EDA: variants seen among roughly 807,000 people sequenced by gnomAD.
EDA encodes ectodysplasin A, also known as ectodysplasin-A.
In EDA, 2 loss-of-function variants were observed where a neutral mutation model predicts 23.6. The ratio of observed to expected loss-of-function variants is 0.08; its 90% CI spans 0.03 to 0.27. EDA has a LOEUF of 0.27. Ranked by LOEUF, EDA falls within the 10% of genes least tolerant of loss-of-function variation. EDA has a pLI of 1.00. For missense variants in EDA, 229 were observed against 324.2 expected, an observed-to-expected ratio of 0.71 and a Z score of 2.26; for synonymous variants, 131 against 132.0, an observed-to-expected ratio of 0.99 and a Z score of 0.05.
intron 1 of EDA, among the ~76,000 whole-genome samples, chrX:69,770,692 A>G (rs1348442110): frequency 9.0e-6 from 1 of 111,013 alleles, no homozygotes; most frequent in Non-Finnish European, 1.9e-5. Flanking sequence ...TCATCCCCTT[A>G]AGAGGGTCTT....
At chrX:69,973,280 A>T (rs368517649) in intron 2 of EDA, among the ~76,000 whole-genome samples, 111 of 111,554 alleles carry the variant, frequency 1.0e-3, no homozygotes, top group African/African-American at 3.4e-3. Context: ...CAAGACAAGG[A>T]TCTTGTGGGA....
chrX:69,640,384 A>C (rs139707757), intron 1 of EDA, among the ~76,000 whole-genome samples: 60 of 111,950 alleles, frequency 5.4e-4, no homozygotes, highest in African/African-American at 1.7e-3. Flanking sequence ...GTGGGTGAGA[A>C]ATGTTAGTTA....
chrX:69,766,406 T>C (rs2147420143), intron 1 of EDA, among the ~76,000 whole-genome samples: 1 of 111,082 alleles, frequency 9.0e-6, no homozygotes, highest in South Asian at 3.8e-4. Context: ...ACCCAATCGT[T>C]ATTTTTTCTG....
intron 1 of EDA, among the ~76,000 whole-genome samples, chrX:69,906,506 CCTT>C (rs1360250456): frequency 8.9e-6 from 1 of 112,385 alleles, no homozygotes; most frequent in Non-Finnish European, 1.9e-5. Context: ...CAAGTGTCTG[CCTT>C]CTTCTCTCCT....
At chrX:69,639,825 T>G (rs1932820752) in intron 1 of EDA, among the ~76,000 whole-genome samples, 1 of 112,106 alleles carries the variant, frequency 8.9e-6, no homozygotes, top group Non-Finnish European at 1.9e-5. Flanking sequence ...CAAGAAATCT[T>G]GAAAAATCCA....
chrX:69,758,551 A>G (rs1013798828), intron 1 of EDA, among the ~76,000 whole-genome samples: 2 of 112,705 alleles, frequency 1.8e-5, no homozygotes, highest in African/African-American at 6.4e-5. Flanking sequence ...ACAAGTTTGA[A>G]GGCCAGGCGT....
At chrX:69,912,973 G>T (rs1187109513) in intron 1 of EDA, among the ~76,000 whole-genome samples, 1 of 110,444 alleles carries the variant, frequency 9.1e-6, no homozygotes, top group Non-Finnish European at 1.9e-5. Flanking sequence ...TCACCATGTT[G>T]GCCAGGCTGG....
chrX:69,850,441 G>T (rs2017102856), intron 1 of EDA, among the ~76,000 whole-genome samples: 2 of 112,077 alleles, frequency 1.8e-5, no homozygotes, highest in Non-Finnish European at 3.8e-5. Flanking sequence ...GGCACCCTTA[G>T]CTTTTACCTT....
intron 1 of EDA, among the ~76,000 whole-genome samples, chrX:69,711,993 C>T (rs1602322950): frequency 1.8e-5 from 2 of 110,936 alleles, no homozygotes; most frequent in East Asian, 5.7e-4. Flanking sequence ...TCTCTATTTC[C>T]TTCAGTTCTG....
At chrX:69,947,818 T>G (rs1012128750) in intron 1 of EDA, among the ~76,000 whole-genome samples, 1 of 112,518 alleles carries the variant, frequency 8.9e-6, no homozygotes, top group Non-Finnish European at 1.9e-5. Context: ...TTTCCATTGA[T>G]GAGGATCAAT....
rs201709310 is a variant in EDA, at chrX:69,799,639, C to CA, written c.397-157384dup. 5.2e-4 allele frequency among the ~76,000 whole-genome samples: 50 copies of CA among 96,442 alleles called. No homozygotes were observed. The Admixed American group carries it at 5.2e-3, about 10-fold the overall frequency. The allele number at this position is 96,442 out of a possible 115,157, so 83.7% of individuals were successfully genotyped here. A position where few individuals can be genotyped will look rare whatever the true frequency, so the allele number is the denominator to read the frequency against. Reference sequence around the variant, plus strand: ...TTCTAATCACTGGGGAAATGTAAGTCAAAACCACAATGGGATATCATCTTA... The same window carrying CA: ...TTCTAATCACTGGGGAAATGTAAGTCAAAAACCACAATGGGATATCATCTTA... On this transcript the variant is annotated intron_variant, in intron 1 of 7. Coordinates refer to ENST00000374552, the MANE Select transcript of EDA (RefSeq NM_001399.5).
chrX:69,866,377 A>C (rs2017486116), intron 1 of EDA, among the ~76,000 whole-genome samples: 1 of 111,590 alleles, frequency 9.0e-6, no homozygotes, highest in South Asian at 3.8e-4. Flanking sequence ...TGTTGACTTA[A>C]GATTAGGAGG....
chrX:69,961,360 C>G (rs1216417127), intron 2 of EDA, among the ~76,000 whole-genome samples: 2 of 111,766 alleles, frequency 1.8e-5, no homozygotes, highest in Non-Finnish European at 3.8e-5. Context: ...ATAAACAGTT[C>G]ATTAACTCTT....
chrX:69,697,457 C>T (rs368238186), intron 1 of EDA, among the ~76,000 whole-genome samples: 87 of 111,364 alleles, frequency 7.8e-4, no homozygotes, highest in African/African-American at 2.7e-3. Flanking sequence ...AAGGGAAAAG[C>T]GATGACTTTC....
At chrX:69,705,506 C>T (rs1022597877) in intron 1 of EDA, among the ~76,000 whole-genome samples, 3 of 112,345 alleles carry the variant, frequency 2.7e-5, no homozygotes, top group Admixed American at 9.4e-5. Context: ...CCATTTTACT[C>T]ATAGTAGCAG....
chrX:69,719,629 A>G (rs1299265705), intron 1 of EDA, among the ~76,000 whole-genome samples: 5 of 110,783 alleles, frequency 4.5e-5, no homozygotes, highest in Non-Finnish European at 7.5e-5. Flanking sequence ...GAGTTACTTC[A>G]TTTAGGATAA....
chrX:69,754,474 C>G (rs1244870550), intron 1 of EDA, among the ~76,000 whole-genome samples: 1 of 111,827 alleles, frequency 8.9e-6, no homozygotes, highest in East Asian at 2.8e-4. Context: ...GTAACCCGAC[C>G]TTTCTGTCTG....
In EDA at chrX:69,975,438, G is replaced by A. The variant is rs2019303729; in HGVS notation, c.502+18306G>A. On this transcript the variant is annotated intron_variant, in intron 2 of 7. Transcript: ENST00000374552. ...TCGGGTACATATGGACATAAAGATG[G>A]CAACAATAGACACTGGGGACTACAT... Among the ~76,000 whole-genome samples, 3 of 110,447 alleles carry A rather than the reference G, an allele frequency of 2.7e-5. No individual in the cohort carries two copies. The Admixed American group carries it at 2.9e-4, about 11-fold the overall frequency.
At position 69,718,956 on chromosome X, in the gene EDA, A is replaced by T. The variant is rs62604168; in HGVS notation, c.396+102252A>T. 4.9e-3 allele frequency among the ~76,000 whole-genome samples: 552 copies of T among 111,747 alleles called. 2 individuals are homozygous for T. Among genetic ancestry groups the T allele is most frequent in the South Asian group, 9.6e-3 (26 of 2,707 alleles). The stretch of plus-strand genomic sequence containing the variant: ...AGATTTCTTTTTCAGGAGCTTTTAA[A>T]TTACAGATTGAATTATTTTGATAGT... On this transcript the variant is annotated intron_variant, in intron 1 of 7. Transcript: ENST00000374552.
Sources: gnomAD v4.1 joint callset for allele counts (sites outside exome capture counted in the v4.1 genomes callset) on GRCh38, gnomAD v4.1.1 for gene constraint, MANE v1.5 for transcripts, NCBI Gene and HGNC (gene_info 2026-07-23, HGNC 2026-07-21) for gene names.